Variants in MAG observed in about 807,000 individuals in gnomAD.
The protein encoded by MAG is myelin-associated glycoprotein.
In MAG, 30 loss-of-function variants were observed where a neutral mutation model predicts 60.7. The observed-to-expected ratio is 0.49, with a 90% CI of 0.37 to 0.67. The LOEUF (loss-of-function observed/expected upper bound fraction) is 0.67. Among genes scored for constraint, MAG ranks in the 30% least tolerant of loss-of-function variants. MAG has a pLI of 0.00. For missense variants in MAG, 795 were observed against 851.7 expected (o/e 0.93, Z 0.83); for synonymous variants, 384 against 376.8 (o/e 1.02, Z -0.22).
chr19:35,313,210 TG>T lies in MAG; in HGVS notation c.1717-79del, dbSNP rs920578849. The T allele has an allele frequency of 4.1e-6, 6 of 1,455,148 alleles. No homozygotes were observed. In the African/African-American group the frequency reaches 8.6e-5, roughly 21 times the overall value. 90.1% of individuals were successfully genotyped at this position (1,455,148 alleles called of 1,614,324 possible). A position where few individuals can be genotyped will look rare whatever the true frequency, so the allele number is the denominator to read the frequency against. ...TATTTGGGACTGAACTCAGGAGCTC[TG>T]AGGGTGCAAACGCTCTGTCCTCTGC... On this transcript the variant is annotated intron_variant, in intron 10 of 10. Transcript: ENST00000392213.
chr19:35,309,823 G>A (rs941639699), intron 7 of MAG, 51 bp from the exon 8 acceptor site: 11 of 1,575,398 alleles, frequency 7.0e-6, no homozygotes, highest in South Asian at 5.6e-5. Context: ...CTCCGGGGCC[G>A]GGCCTCGCGT....
rs2066499552 is a variant in MAG, at chr19:35,308,266, G to T, written c.1232-1608G>T. Among the ~76,000 whole-genome samples, 3 of 152,336 alleles carry T rather than the reference G, an allele frequency of 2.0e-5. 1 individual carries two copies. The highest frequency in any genetic ancestry group is 1.9e-4 in the East Asian group (1 of 5,190). On this transcript the variant is annotated intron_variant, in intron 7 of 10. Coordinates refer to ENST00000392213, the MANE Select transcript of MAG (RefSeq NM_002361.4). ...GAGGGAGGGCGTTCCACAGGCAACT[G>T]ATGGAAGTGTTCCAAGTTGAGGGAG...
chr19:35,294,388 G>C, intron 2 of MAG, 98 bp downstream of exon 2: 1 of 400,144 alleles, frequency 2.5e-6, no homozygotes. Context: ...ATCTCCAGGG[G>C]CATCACGGTG....
chr19:35,295,387 G>T lies in MAG; in HGVS notation c.-22G>T, dbSNP rs199874635. The T allele has an allele frequency of 1.9e-6, 3 of 1,613,212 alleles. No homozygotes were observed. The highest frequency in any genetic ancestry group is 1.1e-5 in the South Asian group (1 of 91,038). On this transcript the variant is annotated splice_region_variant and 5_prime_UTR_variant, in exon 3 of 11. Transcript: ENST00000392213. The surrounding 1 kb of genome is among the most constrained non-coding windows in gnomAD (Gnocchi z 5.8). ...TAACCCTCTCCTCTCCCTTTCCAGC[G>T]ATCACTCACTCGCTGTACAGAATGA...
chr19:35,295,762 C>T lies in MAG; in HGVS notation c.196C>T (p.Pro66Ser). ...TGTCTGGTACTTCAATAGCCCCTAC[C>T]CCAAGAACTACCCCCCGGTGGTCTT... ...HGVWYFNSPY[P>S]KNYPPVVFKS... Residue 66 changes from proline (P) to serine (S), a missense_variant, in exon 4 of 11, where the codon CCC (proline) becomes TCC (serine). Pro to Ser is a moderately conservative substitution (Grantham distance 74). Coordinates refer to ENST00000392213, the MANE Select transcript of MAG (RefSeq NM_002361.4). The surrounding 1 kb of genome is among the most constrained non-coding windows in gnomAD (Gnocchi z 5.8). 6.2e-7 allele frequency: 1 copy of T among 1,613,978 alleles called. No homozygotes were observed. The highest frequency in any genetic ancestry group is 8.5e-7 in the Non-Finnish European group (1 of 1,180,004).
rs116643737 is a variant in MAG, at chr19:35,313,372, C to T, written c.1799C>T (p.Ser600Leu). 6.1e-4 allele frequency: 987 copies of T among 1,614,140 alleles called. 7 individuals are homozygous for T. The African/African-American group carries it at 0.012, about 20-fold the overall frequency. ...GAGCTGGACCTGAGCTATTCTCACTCGGACCTGGGGAAACGGCCCACCAAG... is the reference window on the plus strand; with the variant it reads ...GAGCTGGACCTGAGCTATTCTCACTTGGACCTGGGGAAACGGCCCACCAAG... ...PPELDLSYSH[S>L]DLGKRPTKDS... The change falls in exon 11 of 11, where the codon TCG (serine) becomes TTG (leucine). Residue 600 changes from serine (S) to leucine (L), a missense_variant. Coordinates refer to ENST00000392213, the MANE Select transcript of MAG (RefSeq NM_002361.4).
chr19:35,312,101 C>T (rs2066532324), intron 10 of MAG, 84 bp downstream of exon 10: 2 of 1,386,508 alleles, frequency 1.4e-6, no homozygotes, highest in South Asian at 1.2e-5. Flanking sequence ...GGCCAAGGGG[C>T]AGGGGAGTGG....
chr19:35,309,950 C>T lies in MAG; in HGVS notation c.1308C>T (p.Ser436=), dbSNP rs1022241278. The T allele has an allele frequency of 6.2e-7, 1 of 1,613,914 alleles. No homozygotes were observed. Among genetic ancestry groups the T allele is most frequent in the African/African-American group, 1.3e-5 (1 of 74,942 alleles). The change falls in exon 8 of 11, where the codon TCC becomes TCT. Residue 436 remains serine, a synonymous_variant. Coordinates refer to ENST00000392213, the MANE Select transcript of MAG (RefSeq NM_002361.4). ...DTVQCLCVVK[S]NPEPSVAFEL... is the part of the protein sequence containing the mutation. ...TGCAGTGCCTGTGCGTGGTGAAGTC[C>T]AACCCGGAGCCGTCCGTGGCCTTTG...
Position 35,297,037 on chromosome 19 carries a change from G to T in MAG, c.415+1056G>T, listed in dbSNP as rs569540437. On this transcript the variant is annotated intron_variant, in intron 4 of 10. Transcript: ENST00000392213. ...GCGCCACTCAGAAATGAGGCAGGGG[G>T]ATCCCTGAAATCAGGCAGTGTGCCC... 9.7e-3 allele frequency among the ~76,000 whole-genome samples: 1,413 copies of T among 146,112 alleles called. 23 individuals are homozygous for T. Among genetic ancestry groups the T allele is most frequent in the African/African-American group, 0.035 (1,352 of 39,164 alleles).
intron 4 of MAG, among the ~76,000 whole-genome samples, chr19:35,298,679 C>G (rs1379017266): frequency 6.7e-6 from 1 of 149,166 alleles, no homozygotes; most frequent in African/African-American, 2.5e-5. Context: ...AAACCACACA[C>G]CGCATACACA....
intron 2 of MAG, 75 bp downstream of exon 2, chr19:35,294,365 T>C: frequency 2.4e-6 from 1 of 415,510 alleles, no homozygotes; most frequent in South Asian, 1.7e-5. Flanking sequence ...TCTCTGGTTC[T>C]TACTTTCTGG....
At chr19:35,299,499 C>A in intron 4 of MAG, 55 bp from the exon 5 acceptor site, 1 of 1,323,642 alleles carries the variant, frequency 7.6e-7, no homozygotes, top group Non-Finnish European at 1.0e-6. Flanking sequence ...GGGGTGGGAC[C>A]GGGACCGTAG....
At chr19:35,312,151 G>T (rs1384345538) in intron 10 of MAG, 134 bp downstream of exon 10, 3 of 1,249,336 alleles carry the variant, frequency 2.4e-6, no homozygotes, top group Admixed American at 1.7e-5. Flanking sequence ...ACATTCCAGG[G>T]CTGGGTTGGA....
chr19:35,313,176 G>C (rs190217774), intron 10 of MAG, 114 bp from the exon 11 acceptor site: 1 of 1,162,138 alleles, frequency 8.6e-7, no homozygotes, highest in Non-Finnish European at 1.2e-6. Context: ...GGAGGTTCTC[G>C]CAGGGATTTA....
At position 35,295,922 on chromosome 19, in the gene MAG, G is replaced by C; in HGVS notation, c.356G>C (p.Gly119Ala). ...CTGGGCGGGAAGTACTACTTCCGTG[G>C]GGACCTGGGCGGCTACAACCAGTAC... ...PELGGKYYFR[G>A]DLGGYNQYTF... Residue 119 changes from glycine (G) to alanine (A), a missense_variant, in exon 4 of 11, where the codon GGG becomes GCG. Transcript: ENST00000392213. This position sits in a 1 kb window ranked among gnomAD's most constrained non-coding sequence, Gnocchi z 5.8. 6.2e-7 allele frequency: 1 copy of C among 1,613,690 alleles called. No homozygotes were observed. Among genetic ancestry groups the C allele is most frequent in the Non-Finnish European group, 8.5e-7 (1 of 1,179,878 alleles).
intron 4 of MAG, 152 bp downstream of exon 4, chr19:35,296,133 A>G (rs982664774): frequency 9.5e-7 from 1 of 1,050,958 alleles, no homozygotes. Context: ...CTCAAGGCCC[A>G]CGCAGACCAT....
rs1027874006 is a variant in MAG, at chr19:35,300,338, G to T, written c.904G>T (p.Val302Phe). 1.3e-6 allele frequency: 2 copies of T among 1,598,752 alleles called. No individual in the cohort carries two copies. The highest frequency in any genetic ancestry group is 1.3e-5 in the African/African-American group (1 of 75,056). ...LEEVTPAEDG[V>F]YACLAENAYG... is the part of the protein sequence containing the mutation. ...GGAGGTGACCCCCGCCGAAGACGGC[G>T]TCTATGCCTGCCTGGCCGAGAATGC... Residue 302 changes from valine to phenylalanine, a missense_variant, in exon 6 of 11, where the codon GTC becomes TTC. Coordinates refer to ENST00000392213, the MANE Select transcript of MAG (RefSeq NM_002361.4).
chr19:35,297,535 CTACA>C (rs1238866430), intron 4 of MAG, among the ~76,000 whole-genome samples: 1 of 148,234 alleles, frequency 6.7e-6, no homozygotes, highest in African/African-American at 2.5e-5. Flanking sequence ...ACACCACACA[CTACA>C]TAAACCACAC....
In MAG at chr19:35,293,622, C is replaced by G. The variant is rs2066373822; in HGVS notation, c.-79-613C>G. ...CCCTGGCTGCAACCCCAAGGCAACC[C>G]ATGGAGCAGCAGGGTGCCAGGGGCT... is the stretch of plus-strand genomic sequence containing the variant. On this transcript the variant is annotated intron_variant, in intron 1 of 10. Transcript: ENST00000392213. The surrounding 1 kb of genome is among the most constrained non-coding windows in gnomAD (Gnocchi z 4.0). Among the ~76,000 whole-genome samples, 1 of 152,086 alleles carries G rather than the reference C, an allele frequency of 6.6e-6. No individual in the cohort carries two copies. Among genetic ancestry groups the G allele is most frequent in the African/African-American group, 2.4e-5 (1 of 41,400 alleles).
Sources: gnomAD v4.1 joint callset for allele counts (sites outside exome capture counted in the v4.1 genomes callset) on GRCh38, gnomAD v4.1.1 for gene constraint, Gnocchi (gnomAD v3.1) non-coding constraint, MANE v1.5 for transcripts, NCBI Gene and HGNC (gene_info 2026-07-23, HGNC 2026-07-21) for gene names.